The following LARGE1 variants were observed in gnomAD, a reference collection of about 807,000 sequenced individuals.
LARGE1 encodes the protein xylosyl- and glucuronyltransferase LARGE1.
A neutral mutation model predicts 87.6 loss-of-function variants in LARGE1; 43 were observed. The ratio of observed to expected loss-of-function variants is 0.49; its 90% CI spans 0.38 to 0.63. LARGE1 has a LOEUF of 0.63. LARGE1 is among the 30% of genes least tolerant of loss of function. The pLI is 0.00. For synonymous variants in LARGE1, 434 were observed against 394.6 expected (o/e 1.10, Z -1.18); for missense variants, 802 against 1,000.2 (o/e 0.80, Z 2.67).
intron 1 of LARGE1, among the ~76,000 whole-genome samples, chr22:33,823,952 A>G (rs2267296): frequency 0.5 from 76,550 of 151,888 alleles, 19,493 homozygotes; most frequent in South Asian, 0.65. Context: ...ACCAGTTAAT[A>G]GTAATTATTG....
chr22:33,747,355 C>T (rs2084127590), intron 2 of LARGE1, among the ~76,000 whole-genome samples: 1 of 152,016 alleles, frequency 6.6e-6, no homozygotes, highest in Admixed American at 6.6e-5. Context: ...GTTGCTTCTC[C>T]TCTCTTCTCT....
chr22:33,825,918 G>A (rs1053509397), intron 1 of LARGE1, among the ~76,000 whole-genome samples: 2 of 152,120 alleles, frequency 1.3e-5, no homozygotes, highest in African/African-American at 4.8e-5. Flanking sequence ...AAGGCTGGGA[G>A]ACAGAAACTG....
At chr22:33,084,851 ATT>A in the LARGE1 span, among the ~76,000 whole-genome samples, 1 of 152,244 alleles carries the variant, frequency 6.6e-6, no homozygotes, top group Non-Finnish European at 1.5e-5. Flanking sequence ...GATAGTTCAC[ATT>A]CTTTTTATTA....
intron 11 of LARGE1, among the ~76,000 whole-genome samples, chr22:33,184,103 TC>T (rs1555880744): frequency 1.6e-4 from 23 of 142,094 alleles, no homozygotes; most frequent in East Asian, 3.9e-4. Flanking sequence ...TATATATATA[TC>T]ATATCTTTAT....
intron 1 of LARGE1, among the ~76,000 whole-genome samples, chr22:33,799,879 T>C (rs2146064718): frequency 6.6e-6 from 1 of 152,312 alleles, no homozygotes; most frequent in African/African-American, 2.4e-5. Flanking sequence ...GATAAGGTCA[T>C]AGAAGAGCTA....
At chr22:33,069,004 GA>G in the LARGE1 span, among the ~76,000 whole-genome samples, 1 of 152,176 alleles carries the variant, frequency 6.6e-6, no homozygotes, top group Non-Finnish European at 1.5e-5. Flanking sequence ...GTTTGACTGT[GA>G]AGTCCACAAG....
the LARGE1 span, among the ~76,000 whole-genome samples, chr22:33,119,053 G>A: frequency 9.8e-5 from 15 of 152,308 alleles, no homozygotes; most frequent in East Asian, 2.9e-3. Context: ...GTTTCCTTTG[G>A]AGCAAAAGGG....
At chr22:33,373,646 T>C (rs921155855) in intron 9 of LARGE1, among the ~76,000 whole-genome samples, 1 of 151,908 alleles carries the variant, frequency 6.6e-6, no homozygotes, top group South Asian at 2.1e-4. Context: ...CTGTTTTTTT[T>C]CCCCCAGTTC....
chr22:33,260,230 C>T (rs1208453305), intron 11 of LARGE1, among the ~76,000 whole-genome samples: 1 of 152,188 alleles, frequency 6.6e-6, no homozygotes, highest in East Asian at 1.9e-4. Flanking sequence ...TCCCCTGTGG[C>T]CCTGTAAGGC....
intron 10 of LARGE1, among the ~76,000 whole-genome samples, chr22:33,319,190 A>G (rs1936474127): frequency 6.6e-6 from 1 of 152,120 alleles, no homozygotes; most frequent in Non-Finnish European, 1.5e-5. Context: ...TAGAATCATG[A>G]TGTATTTTTG....
At chr22:33,922,077 C>T (rs1271405471), upstream of LARGE1, among the ~76,000 whole-genome samples, 3 of 152,074 alleles carry the variant, frequency 2.0e-5, no homozygotes, top group East Asian at 5.8e-4. Flanking sequence ...CTCCACCTCT[C>T]CCCAGCCGGG....
intron 1 of LARGE1, among the ~76,000 whole-genome samples, chr22:33,843,440 A>T (rs868638266): frequency 6.8e-6 from 1 of 146,536 alleles, no homozygotes; most frequent in African/African-American, 2.6e-5. Flanking sequence ...CCCTCTCAAA[A>T]AAATAAATAA....
intron 1 of LARGE1, among the ~76,000 whole-genome samples, chr22:33,775,898 C>T (rs1391012707): frequency 2.0e-5 from 3 of 149,880 alleles, no homozygotes; most frequent in South Asian, 2.1e-4. Flanking sequence ...CTACCAGCAT[C>T]GGGTGGGTCA....
At chr22:33,267,454 A>C (rs1021113746) in intron 11 of LARGE1, among the ~76,000 whole-genome samples, 2 of 151,652 alleles carry the variant, frequency 1.3e-5, no homozygotes, top group Non-Finnish European at 2.9e-5. Flanking sequence ...CTTTCTGCTG[A>C]ATTAGACATG....
chr22:33,616,818 G>A (rs1023628651), intron 4 of LARGE1, among the ~76,000 whole-genome samples: 2 of 152,174 alleles, frequency 1.3e-5, no homozygotes, highest in African/African-American at 4.8e-5. Context: ...GGGAAGAGGA[G>A]GAAATGAGTA....
intron 1 of LARGE1, among the ~76,000 whole-genome samples, chr22:33,792,014 T>C (rs1190337070): frequency 6.6e-6 from 1 of 152,128 alleles, no homozygotes; most frequent in East Asian, 1.9e-4. Flanking sequence ...ATGTGAGAAA[T>C]AGATGCCCAG....
At chr22:33,326,800 CA>C (rs1313499500) in intron 10 of LARGE1, among the ~76,000 whole-genome samples, 2 of 152,188 alleles carry the variant, frequency 1.3e-5, no homozygotes, top group African/African-American at 4.8e-5. Flanking sequence ...CTAGAGGGGT[CA>C]AACAGGGCTC....
chr22:33,420,569 C>T (rs1299448120), intron 7 of LARGE1, among the ~76,000 whole-genome samples: 2 of 152,044 alleles, frequency 1.3e-5, no homozygotes, highest in Non-Finnish European at 2.9e-5. Context: ...TGGAGTGGAG[C>T]GAGTGTGGGG....
At chr22:33,204,854 A>G (rs559571668) in intron 11 of LARGE1, among the ~76,000 whole-genome samples, 93 of 152,166 alleles carry the variant, frequency 6.1e-4, no homozygotes, top group African/African-American at 9.6e-4. Flanking sequence ...TGTTGAAAGT[A>G]TCTTAACCTG....
Sources: allele counts gnomAD v4.1 joint callset (sites outside exome capture counted in the v4.1 genomes callset), GRCh38; gene constraint gnomAD v4.1.1; transcripts MANE v1.5; gene names NCBI Gene and HGNC (gene_info 2026-07-23, HGNC 2026-07-21).